Variants in AGMO observed in about 807,000 individuals in gnomAD.
The protein encoded by AGMO is alkylglycerol monooxygenase.
Under a neutral mutation model 60.2 loss-of-function variants are expected in AGMO, and 75 were observed. The ratio of observed to expected loss-of-function variants is 1.25; its 90% confidence interval spans 1.03 to 1.51. The LOEUF is 1.51. AGMO is among the 40% of genes most tolerant of loss of function. The pLI is 0.00. For missense variants in AGMO, 763 were observed against 525.5 expected (o/e 1.45, Z -4.42); for synonymous variants, 261 against 177.1 (o/e 1.47, Z -3.76).
rs758036499 is a variant in AGMO at position 15,561,781 on chromosome 7, G to A, written c.65C>T (p.Thr22Met). 5.0e-6 allele frequency: 8 copies of A among 1,611,022 alleles called. No homozygotes were observed. The Admixed American group carries it at 5.0e-5, about 10-fold the overall frequency. The change falls in exon 1 of 13, where the codon ACG becomes ATG. Residue 22 changes from threonine to methionine, a missense_variant. Thr to Met is a moderately conservative substitution (Grantham distance 81). Transcript: ENST00000342526. ...GAATGAAGTTTCACTGGGTTTCATC[G>A]TGTAAAACAACATGCGAAATCCCTG... ...VSQGFRMLFY[T>M]MKPSETSFQT...
At chr7:15,470,273 T>A (rs1421644184) in intron 3 of AGMO, among the ~76,000 whole-genome samples, 1 of 152,032 alleles carries the variant, frequency 6.6e-6, no homozygotes, top group Non-Finnish European at 1.5e-5. Flanking sequence ...TCTGGTACAC[T>A]GCTGGAAACA....
chr7:15,325,254 T>C (rs1392010221), intron 12 of AGMO, among the ~76,000 whole-genome samples: 2 of 152,106 alleles, frequency 1.3e-5, no homozygotes, highest in Non-Finnish European at 2.9e-5. Flanking sequence ...TGACTTTACT[T>C]GGAAGGCATT....
chr7:15,523,032 G>A (rs1357574299), intron 3 of AGMO, among the ~76,000 whole-genome samples: 2 of 152,118 alleles, frequency 1.3e-5, no homozygotes, highest in South Asian at 2.1e-4. Context: ...AGTGGGCAAA[G>A]GATATGAACA....
At chr7:15,270,062 C>CA (rs891517486) in intron 12 of AGMO, among the ~76,000 whole-genome samples, 1 of 151,840 alleles carries the variant, frequency 6.6e-6, no homozygotes, top group Non-Finnish European at 1.5e-5. Flanking sequence ...ACTAATGCCG[C>CA]AAAAAAGATA....
intron 3 of AGMO, among the ~76,000 whole-genome samples, chr7:15,442,955 T>C (rs1257368541): frequency 1.3e-5 from 2 of 152,180 alleles, no homozygotes; most frequent in East Asian, 1.9e-4. Context: ...AGCAGAATGA[T>C]GTGGAGTTTG....
At chr7:15,409,181 C>G (rs1364540710) in intron 5 of AGMO, among the ~76,000 whole-genome samples, 1 of 151,868 alleles carries the variant, frequency 6.6e-6, no homozygotes, top group Non-Finnish European at 1.5e-5. Flanking sequence ...GGGCTGGCCT[C>G]TGAAAATAGG....
chr7:15,341,136 T>C (rs894486468), intron 12 of AGMO, among the ~76,000 whole-genome samples: 4 of 152,190 alleles, frequency 2.6e-5, no homozygotes, highest in Non-Finnish European at 5.9e-5. Context: ...TCCCCTTGTC[T>C]TGGTGATTAA....
chr7:15,512,918 C>G (rs1467854818), intron 3 of AGMO, among the ~76,000 whole-genome samples: 1 of 151,954 alleles, frequency 6.6e-6, no homozygotes, highest in African/African-American at 2.4e-5. Flanking sequence ...GCTTTATAAT[C>G]TGTTATCAGA....
intron 12 of AGMO, among the ~76,000 whole-genome samples, chr7:15,321,146 G>A (rs1475849488): frequency 2.6e-5 from 4 of 152,028 alleles, no homozygotes; most frequent in Non-Finnish European, 5.9e-5. Context: ...TAACTGAATT[G>A]GCCATAAACC....
chr7:15,491,728 G>A (rs1206515211), intron 3 of AGMO, among the ~76,000 whole-genome samples: 1 of 152,148 alleles, frequency 6.6e-6, no homozygotes, highest in African/African-American at 2.4e-5. Flanking sequence ...GCATTTGTGA[G>A]GACTGAGGAC....
intron 12 of AGMO, among the ~76,000 whole-genome samples, chr7:15,205,421 C>A (rs567305310): frequency 6.6e-6 from 1 of 152,026 alleles, no homozygotes; most frequent in East Asian, 1.9e-4. Flanking sequence ...TTTTTTTGGT[C>A]TCCCAAACAT....
the AGMO span, among the ~76,000 whole-genome samples, chr7:15,170,397 T>A: frequency 2.0e-5 from 3 of 152,112 alleles, no homozygotes; most frequent in South Asian, 6.2e-4. Context: ...AAGAAATAAT[T>A]AACATAGAAA....
the AGMO span, among the ~76,000 whole-genome samples, chr7:15,195,272 G>C: frequency 2.0e-5 from 3 of 152,186 alleles, no homozygotes; most frequent in African/African-American, 7.2e-5. Context: ...AAAGAAGTGA[G>C]TTGAAGAGCA....
Position 15,201,247 on chromosome 7 carries a change from C to A in AGMO, c.*38G>T. ...TATGCAGTCATAATATGCGTGTGGA[C>A]AACTCATTAAAAGAAGAGAATTATG... On this transcript the variant is annotated 3_prime_UTR_variant, in exon 13 of 13. Coordinates refer to ENST00000342526, the MANE Select transcript of AGMO (RefSeq NM_001004320.2). The A allele has an allele frequency of 7.0e-7, 1 of 1,429,930 alleles. No homozygotes were observed. Among genetic ancestry groups the A allele is most frequent in the Non-Finnish European group, 9.7e-7 (1 of 1,027,728 alleles). The allele number at this position is 1,429,930 out of a possible 1,614,324, so 88.6% of individuals were successfully genotyped here.
At chr7:15,395,712 A>G (rs1369177029) in intron 5 of AGMO, among the ~76,000 whole-genome samples, 1 of 152,246 alleles carries the variant, frequency 6.6e-6, no homozygotes, top group East Asian at 1.9e-4. Context: ...AATGTTTGAA[A>G]AAGTTTGTTA....
In AGMO at chr7:15,544,303, G is replaced by A. The variant is rs138779435; in HGVS notation, c.409+469C>T. On this transcript the variant is annotated intron_variant, in intron 3 of 12. Coordinates refer to ENST00000342526, the MANE Select transcript of AGMO (RefSeq NM_001004320.2). ...CGGGTGATAGGTGCACCACAGTCTCGGAAATCAAAACTGAAGAACTTATTC... is the reference window on the plus strand; with the variant it reads ...CGGGTGATAGGTGCACCACAGTCTCAGAAATCAAAACTGAAGAACTTATTC... Among the ~76,000 whole-genome samples, 34 of 151,908 alleles carry A rather than the reference G, an allele frequency of 2.2e-4. No homozygotes were observed. In the East Asian group the frequency reaches 2.5e-3, roughly 11 times the overall value.
intron 2 of AGMO, among the ~76,000 whole-genome samples, chr7:15,557,526 T>TC (rs968225888): frequency 6.6e-6 from 1 of 152,024 alleles, no homozygotes; most frequent in African/African-American, 2.4e-5. Flanking sequence ...CCTTTTTTTT[T>TC]CTGAAAGGGG....
intron 3 of AGMO, among the ~76,000 whole-genome samples, chr7:15,488,941 G>C (rs1451740123): frequency 6.6e-6 from 1 of 152,066 alleles, no homozygotes; most frequent in African/African-American, 2.4e-5. Flanking sequence ...GTTTACTAAA[G>C]GTTGGGATTT....
At chr7:15,233,905 G>A (rs917810444) in intron 12 of AGMO, among the ~76,000 whole-genome samples, 1 of 152,052 alleles carries the variant, frequency 6.6e-6, no homozygotes, top group African/African-American at 2.4e-5. Context: ...AAATTAGCTG[G>A]GCGTGGTGGT....
Sources: allele counts gnomAD v4.1 joint callset (sites outside exome capture counted in the v4.1 genomes callset), GRCh38; gene constraint gnomAD v4.1.1; transcripts MANE v1.5; gene names NCBI Gene and HGNC (gene_info 2026-07-23, HGNC 2026-07-21).